Variants in MSI2 observed in about 807,000 individuals in gnomAD.
MSI2 encodes RNA-binding protein Musashi homolog 2.
A neutral mutation model predicts 45.6 loss-of-function variants in MSI2; 17 were observed. That is an observed-to-expected ratio of 0.37 (90% CI 0.26 to 0.56). MSI2 has a LOEUF of 0.56. Among genes scored for constraint, MSI2 ranks in the 20% least tolerant of loss-of-function variants. The pLI is 0.77. For synonymous variants in MSI2, 156 were observed against 158.2 expected (o/e 0.99, Z 0.11); for missense variants, 293 against 444.2 (o/e 0.66, Z 3.06).
chr17:57,437,805 T>C lies in MSI2; in HGVS notation c.405+36334T>C, dbSNP rs541823495. On this transcript the variant is annotated intron_variant, in intron 6 of 13. Coordinates refer to ENST00000284073, the MANE Select transcript of MSI2 (RefSeq NM_138962.4). ...AGTTAGTATCCTGCTTCTAGTAGCC[T>C]GTGATAAAGTGCATCTTTTTTCTAC... 1.0e-3 allele frequency among the ~76,000 whole-genome samples: 159 copies of C among 152,314 alleles called. 1 individual carries two copies. Among genetic ancestry groups the C allele is most frequent in the Non-Finnish European group, 1.7e-3 (115 of 68,026 alleles).
chr17:57,369,443 A>G (rs1246578999), intron 5 of MSI2, among the ~76,000 whole-genome samples: 2 of 152,236 alleles, frequency 1.3e-5, no homozygotes, highest in African/African-American at 4.8e-5. Context: ...GGAATAAAGC[A>G]GGTTGGACAG....
intron 6 of MSI2, among the ~76,000 whole-genome samples, chr17:57,427,952 C>A (rs1487174445): frequency 6.6e-6 from 1 of 151,952 alleles, no homozygotes; most frequent in African/African-American, 2.4e-5. Context: ...ATAGATATTA[C>A]TATATATTAT....
the MSI2 span, among the ~76,000 whole-genome samples, chr17:57,700,863 C>T: frequency 6.6e-6 from 1 of 151,866 alleles, no homozygotes; most frequent in East Asian, 1.9e-4. Context: ...GATCATACCA[C>T]TGTACTCCAG....
intron 5 of MSI2, among the ~76,000 whole-genome samples, chr17:57,360,169 G>A (rs564021890): frequency 1.3e-5 from 2 of 152,360 alleles, no homozygotes; most frequent in African/African-American, 4.8e-5. Context: ...GCTACTTGGA[G>A]CAAGCCTGGG....
intron 5 of MSI2, among the ~76,000 whole-genome samples, chr17:57,339,655 G>A (rs1408202077): frequency 6.6e-6 from 1 of 152,010 alleles, no homozygotes; most frequent in Non-Finnish European, 1.5e-5. Context: ...TTCATTCTTT[G>A]GGACATTTTC....
At chr17:57,403,337 C>T (rs1337759559) in intron 6 of MSI2, among the ~76,000 whole-genome samples, 1 of 152,168 alleles carries the variant, frequency 6.6e-6, no homozygotes, top group Non-Finnish European at 1.5e-5. Flanking sequence ...TTCATTAACA[C>T]TTATCATTGT....
intron 6 of MSI2, among the ~76,000 whole-genome samples, chr17:57,431,939 T>C (rs1233172011): frequency 1.3e-5 from 2 of 152,210 alleles, no homozygotes; most frequent in Non-Finnish European, 2.9e-5. Flanking sequence ...GTGTGGAATA[T>C]GAAGAGAAGG....
intron 8 of MSI2, among the ~76,000 whole-genome samples, chr17:57,610,117 C>T (rs542705090): frequency 6.6e-6 from 1 of 152,044 alleles, no homozygotes; most frequent in Admixed American, 6.6e-5. Context: ...AAGAAAATGC[C>T]CTCATGTTTA....
intron 6 of MSI2, among the ~76,000 whole-genome samples, chr17:57,486,531 G>A (rs950261626): frequency 6.6e-5 from 10 of 152,116 alleles, no homozygotes; most frequent in East Asian, 1.9e-4. Flanking sequence ...ATTTCCTTTC[G>A]TTTTATGCAA....
At chr17:57,659,079 GGTTT>G (rs1295351253) in intron 11 of MSI2, among the ~76,000 whole-genome samples, 4 of 151,644 alleles carry the variant, frequency 2.6e-5, no homozygotes, top group South Asian at 2.1e-4. Flanking sequence ...TTGGTTGGTT[GGTTT>G]GTTGTTGTTG....
chr17:57,400,706 C>T (rs888258980), intron 5 of MSI2, among the ~76,000 whole-genome samples: 2 of 152,010 alleles, frequency 1.3e-5, no homozygotes, highest in Non-Finnish European at 2.9e-5. Context: ...AGGAAGGTTA[C>T]AACTTGCCGT....
At chr17:57,273,725 C>G (rs1001533580) in intron 5 of MSI2, among the ~76,000 whole-genome samples, 6 of 152,312 alleles carry the variant, frequency 3.9e-5, no homozygotes, top group African/African-American at 1.2e-4. Context: ...ATTAGCCCTC[C>G]AAGCGGCCCC....
chr17:57,331,293 T>C (rs1598130148), intron 5 of MSI2, among the ~76,000 whole-genome samples: 1 of 152,200 alleles, frequency 6.6e-6, no homozygotes, highest in East Asian at 1.9e-4. Context: ...CTGTCCAGTC[T>C]TCTGTGTTTC....
chr17:57,507,235 G>A (rs957178823), intron 6 of MSI2, among the ~76,000 whole-genome samples: 2,732 of 91,626 alleles, frequency 0.03, 159 homozygotes, highest in African/African-American at 0.12. Flanking sequence ...CTGTGTGTGT[G>A]TGTGTGTGTG....
At chr17:57,492,209 C>A (rs2143812587) in intron 6 of MSI2, among the ~76,000 whole-genome samples, 1 of 152,256 alleles carries the variant, frequency 6.6e-6, no homozygotes, top group Admixed American at 6.5e-5. Flanking sequence ...CAGTAATCGC[C>A]ATGAAAAACG....
chr17:57,278,743 G>A (rs1909129144), intron 5 of MSI2: 1 of 153,802 alleles, frequency 6.5e-6, no homozygotes, highest in African/African-American at 2.4e-5. Flanking sequence ...TTGTTACAAG[G>A]TAAATATGTG....
intron 11 of MSI2, among the ~76,000 whole-genome samples, chr17:57,661,858 AC>A (rs1912017295): frequency 6.6e-6 from 1 of 151,994 alleles, no homozygotes; most frequent in Non-Finnish European, 1.5e-5. Flanking sequence ...AGAAAGCCAT[AC>A]CTGATTCACC....
At chr17:57,685,959 C>T (rs1913868179), downstream of MSI2, among the ~76,000 whole-genome samples, 1 of 152,174 alleles carries the variant, frequency 6.6e-6, no homozygotes, top group African/African-American at 2.4e-5. Context: ...AGAGAGGGAG[C>T]AGGGAACAGG....
intron 6 of MSI2, among the ~76,000 whole-genome samples, chr17:57,421,184 G>A (rs998016689): frequency 6.6e-6 from 1 of 151,916 alleles, no homozygotes; most frequent in African/African-American, 2.4e-5. Context: ...CTGATAGCCT[G>A]GCTTCCTCCA....
Sources: allele counts gnomAD v4.1 joint callset (sites outside exome capture counted in the v4.1 genomes callset), GRCh38; gene constraint gnomAD v4.1.1; transcripts MANE v1.5; gene names NCBI Gene and HGNC (gene_info 2026-07-23, HGNC 2026-07-21).